The following DGKB variants were observed in gnomAD, a reference collection of about 807,000 sequenced individuals.
The protein encoded by DGKB is 90 kDa diacylglycerol kinase.
In DGKB, 67 loss-of-function variants were observed where a neutral mutation model predicts 114.3. The observed-to-expected ratio is 0.59, with a 90% confidence interval of 0.48 to 0.72. The LOEUF is 0.72. Among genes scored for constraint, DGKB ranks in the 30% least tolerant of loss-of-function variants. DGKB has a pLI of 0.00. For synonymous variants in DGKB, 398 were observed against 323.1 expected, an observed-to-expected ratio of 1.23 and a Z score of -2.49; for missense variants, 907 against 975.2, an observed-to-expected ratio of 0.93 and a Z score of 0.93.
chr7:14,598,075 G>A lies in DGKB; in HGVS notation c.1433+9359C>T, dbSNP rs1197260149. 5.3e-5 allele frequency among the ~76,000 whole-genome samples: 8 copies of A among 152,130 alleles called. No individual in the cohort carries two copies. The South Asian group carries it at 1.7e-3, about 32-fold the overall frequency. ...AATTATTGTATCAGTAGTGCTAAAC[G>A]TTTATACTGATTTTATGATAGCATT... On this transcript the variant is annotated intron_variant, in intron 17 of 25. Transcript: ENST00000402815.
rs1204663331 is a variant in DGKB at position 14,145,422 on chromosome 7, A to G, written c.*3709T>C. 3 of 151,736 alleles carry G rather than the reference A, an allele frequency of 2.0e-5. No homozygotes were observed. The highest frequency in any genetic ancestry group is 4.4e-5 in the Non-Finnish European group (3 of 67,990). The allele number at this position is 151,736 out of a possible 1,614,324, so 9.4% of individuals were successfully genotyped here. On this transcript the variant is annotated 3_prime_UTR_variant, in exon 26 of 26. Transcript: ENST00000402815. ...TTATTATTTAATTGTTCAGTATTGA[A>G]TAATCCTTTGGGGGTTATACGTGCC...
intron 23 of DGKB, among the ~76,000 whole-genome samples, chr7:14,202,159 T>A (rs773310314): frequency 4.6e-5 from 7 of 152,082 alleles, no homozygotes; most frequent in Admixed American, 2.6e-4. Flanking sequence ...TTTCCCATTC[T>A]TTTTTATGAT....
intron 1 of DGKB, among the ~76,000 whole-genome samples, chr7:14,852,038 C>T (rs1342709713): frequency 6.6e-6 from 1 of 152,150 alleles, no homozygotes; most frequent in African/African-American, 2.4e-5. Context: ...TCTATAAACA[C>T]AGTAAAACGA....
intron 17 of DGKB, among the ~76,000 whole-genome samples, chr7:14,585,665 T>G (rs960242156): frequency 6.6e-6 from 1 of 152,206 alleles, no homozygotes; most frequent in Non-Finnish European, 1.5e-5. Flanking sequence ...TAGCAGATAC[T>G]GCATTTTTTA....
intron 23 of DGKB, among the ~76,000 whole-genome samples, chr7:14,236,351 A>AAC (rs3067643): frequency 0.61 from 92,194 of 151,074 alleles, 29,538 homozygotes; most frequent in African/African-American, 0.81. Flanking sequence ...TAATAAAAAA[A>AAC]AAGCTATTAT....
intron 21 of DGKB, among the ~76,000 whole-genome samples, chr7:14,420,439 T>C (rs1388786603): frequency 6.6e-6 from 1 of 152,090 alleles, no homozygotes; most frequent in Admixed American, 6.6e-5. Context: ...GAGTAAGTTT[T>C]GGTAAAATAT....
chr7:14,937,151 A>G (rs1167244588), intron 1 of DGKB, among the ~76,000 whole-genome samples: 1 of 151,610 alleles, frequency 6.6e-6, no homozygotes, highest in East Asian at 1.9e-4. Context: ...CATGGCTTTT[A>G]CAATGTATAT....
At chr7:14,179,560 A>C (rs1032948779) in intron 23 of DGKB, among the ~76,000 whole-genome samples, 2 of 152,010 alleles carry the variant, frequency 1.3e-5, no homozygotes, top group Non-Finnish European at 2.9e-5. Context: ...GAAAGTGCTC[A>C]CTCCTCACTA....
intron 21 of DGKB, among the ~76,000 whole-genome samples, chr7:14,371,449 G>T (rs1412195046): frequency 6.6e-6 from 1 of 152,062 alleles, no homozygotes; most frequent in Admixed American, 6.6e-5. Context: ...TTTCATGTTT[G>T]TTGGCAGCTT....
chr7:14,852,487 CA>C, intron 1 of DGKB, among the ~76,000 whole-genome samples: 4 of 63,610 alleles, frequency 6.3e-5, no homozygotes, highest in Admixed American at 1.6e-4. Context: ...TAGTGAAAGT[CA>C]AAAAAAAAAC....
At chr7:14,200,024 C>A (rs945189528) in intron 23 of DGKB, among the ~76,000 whole-genome samples, 2 of 151,958 alleles carry the variant, frequency 1.3e-5, no homozygotes, top group African/African-American at 4.8e-5. Flanking sequence ...GATTTCACTC[C>A]AGGTTCAGAG....
At chr7:14,845,708 T>C (rs563156644) in intron 1 of DGKB, among the ~76,000 whole-genome samples, 3 of 152,184 alleles carry the variant, frequency 2.0e-5, no homozygotes. Context: ...AAGAATTAAT[T>C]AGAAGGAGGC....
At chr7:14,564,463 G>T (rs1797103614) in intron 20 of DGKB, among the ~76,000 whole-genome samples, 1 of 152,066 alleles carries the variant, frequency 6.6e-6, no homozygotes, top group Non-Finnish European at 1.5e-5. Flanking sequence ...GCATTTCAAA[G>T]ATTTTCAGAT....
At chr7:14,683,432 A>G (rs1821168878) in intron 10 of DGKB, among the ~76,000 whole-genome samples, 1 of 152,158 alleles carries the variant, frequency 6.6e-6, no homozygotes, top group African/African-American at 2.4e-5. Flanking sequence ...TATTGTATAC[A>G]TATGGAAAAA....
At chr7:14,203,161 C>CAAAAAAAAAAAAAAAAAAAAAAAAAAA (rs374610278) in intron 23 of DGKB, among the ~76,000 whole-genome samples, 1 of 96,152 alleles carries the variant, frequency 1.0e-5, no homozygotes, top group African/African-American at 4.3e-5. Context: ...GAGCAGTAGC[C>CAAAAAAAAAAAAAAAAAAAAAAAAAAA]AAAAAAAAAA....
intron 20 of DGKB, among the ~76,000 whole-genome samples, chr7:14,570,966 A>G (rs1400465754): frequency 1.3e-5 from 2 of 152,154 alleles, no homozygotes; most frequent in Admixed American, 1.3e-4. Flanking sequence ...ATAATTCTTT[A>G]CTTTGTATTT....
chr7:14,910,764 C>A (rs1783962980), intron 1 of DGKB, among the ~76,000 whole-genome samples: 1 of 152,096 alleles, frequency 6.6e-6, no homozygotes, highest in Non-Finnish European at 1.5e-5. Context: ...TGCTTCTCCA[C>A]TTTAAAGAGA....
chr7:14,493,153 G>C (rs1584366545), intron 20 of DGKB, among the ~76,000 whole-genome samples: 1 of 152,014 alleles, frequency 6.6e-6, no homozygotes, highest in East Asian at 1.9e-4. Flanking sequence ...TGAAAATGGA[G>C]TTTTATGTTC....
At chr7:14,850,271 G>T (rs1849173353) in intron 1 of DGKB, among the ~76,000 whole-genome samples, 1 of 152,142 alleles carries the variant, frequency 6.6e-6, no homozygotes, top group Non-Finnish European at 1.5e-5. Context: ...ATCAACCCTT[G>T]GAGAGTATGA....
Sources: gnomAD v4.1 joint callset for allele counts (sites outside exome capture counted in the v4.1 genomes callset) on GRCh38, gnomAD v4.1.1 for gene constraint, MANE v1.5 for transcripts, NCBI Gene and HGNC (gene_info 2026-07-23, HGNC 2026-07-21) for gene names.